PHEX: variants seen among roughly 807,000 people sequenced by gnomAD.
The protein encoded by PHEX is phosphate-regulating neutral endopeptidase PHEX.
Under a neutral mutation model 68.0 loss-of-function variants are expected in PHEX, and 16 were observed. That is an observed-to-expected ratio of 0.24 (90% CI 0.16 to 0.36). The LOEUF is 0.36. PHEX is among the 10% of genes least tolerant of loss of function. The probability of loss-of-function intolerance (pLI) is 1.00; values close to 1 mark genes in which losing one functional copy is unlikely to be tolerated. For synonymous variants in PHEX, 208 were observed against 205.1 expected (o/e 1.01, Z -0.12); for missense variants, 480 against 575.5 (o/e 0.83, Z 1.70).
chrX:22,082,655 G>C (rs1184374718), intron 5 of PHEX, among the ~76,000 whole-genome samples: 2 of 112,212 alleles, frequency 1.8e-5, no homozygotes, highest in African/African-American at 6.5e-5. Context: ...CCGTTCTGTG[G>C]GTTGTCTGTT....
intron 12 of PHEX, among the ~76,000 whole-genome samples, chrX:22,141,554 A>C (rs781467834): frequency 9.1e-6 from 1 of 110,053 alleles, no homozygotes; most frequent in Non-Finnish European, 1.9e-5. Flanking sequence ...CTGTTGCTCC[A>C]GTCCTAAACT....
At chrX:22,155,149 C>A (rs1413182567) in intron 12 of PHEX, among the ~76,000 whole-genome samples, 1 of 112,531 alleles carries the variant, frequency 8.9e-6, no homozygotes, top group Admixed American at 9.4e-5. Flanking sequence ...TGACCGCAGG[C>A]AATCCACCCG....
At chrX:22,082,303 G>C (rs1181754027) in intron 5 of PHEX, among the ~76,000 whole-genome samples, 1 of 111,739 alleles carries the variant, frequency 8.9e-6, no homozygotes, top group Non-Finnish European at 1.9e-5. Context: ...ACAGTGGCTG[G>C]ACTAATTTAC....
chrX:22,248,032 C>T lies in PHEX; in HGVS notation c.*79C>T, dbSNP rs1936444419. The T allele has an allele frequency of 2.8e-6, 2 of 702,771 alleles. No individual in the cohort carries two copies. The highest frequency in any genetic ancestry group is 4.6e-6 in the Non-Finnish European group (2 of 433,521). 57.9% of individuals were successfully genotyped at this position (702,771 alleles called of 1,213,427 possible). On this transcript the variant is annotated 3_prime_UTR_variant, in exon 22 of 22. Transcript: ENST00000379374. Reference sequence around the variant, plus strand: ...TGCACTGAGCCTTCATCGCCCATTGCTTTAGGCCTGGAGACTTTCATTTTT... The same window carrying T: ...TGCACTGAGCCTTCATCGCCCATTGTTTTAGGCCTGGAGACTTTCATTTTT...
In PHEX at chrX:22,221,751, C is replaced by T. The variant is rs1229762414; in HGVS notation, c.1899+8C>T. The T allele has an allele frequency of 1.2e-5, 14 of 1,201,060 alleles. No homozygotes were observed. The highest frequency in any genetic ancestry group is 1.8e-5 in the South Asian group (1 of 56,774). On this transcript the variant is annotated splice_region_variant and intron_variant, in intron 18 of 21. Coordinates refer to ENST00000379374, the MANE Select transcript of PHEX (RefSeq NM_000444.6). Reference sequence around the variant, plus strand: ...AAGAAAGCTGGCTTAAATGTGAGTACAACTGTGGCTAAGGGGGGCACCTTG... The same window carrying T: ...AAGAAAGCTGGCTTAAATGTGAGTATAACTGTGGCTAAGGGGGGCACCTTG...
intron 10 of PHEX, among the ~76,000 whole-genome samples, chrX:22,113,030 T>A (rs1054322745): frequency 9.4e-6 from 1 of 106,768 alleles, no homozygotes; most frequent in African/African-American, 3.4e-5. Context: ...TGTGTGTGTG[T>A]GTGTGTGTGT....
Position 22,249,023 on chromosome X carries a change from T to C in PHEX, c.*1070T>C, listed in dbSNP as rs1310345845. 9.0e-6 allele frequency: 1 copy of C among 110,860 alleles called. No individual in the cohort carries two copies. The highest frequency in any genetic ancestry group is 3.3e-5 in the African/African-American group (1 of 30,418). 9.1% of individuals were successfully genotyped at this position (110,860 alleles called of 1,213,427 possible). A position where few individuals can be genotyped will look rare whatever the true frequency, so the allele number is the denominator to read the frequency against. ...TACCTCTCTTTAAAAAAAAAACATT[T>C]TTGAAAAATTTCTTGACTGATGACA... is the stretch of plus-strand genomic sequence containing the variant. On this transcript the variant is annotated 3_prime_UTR_variant, in exon 22 of 22. Coordinates refer to ENST00000379374, the MANE Select transcript of PHEX (RefSeq NM_000444.6).
intron 11 of PHEX, among the ~76,000 whole-genome samples, chrX:22,119,611 G>C (rs1032797791): frequency 9.0e-4 from 48 of 53,076 alleles, no homozygotes; most frequent in African/African-American, 3.4e-3. Flanking sequence ...TTTTTTTTTT[G>C]AGACAGAGTC....
chrX:22,033,241 TGG>T, intron 1 of PHEX, 118 bp downstream of exon 1: 1 of 539,561 alleles, frequency 1.9e-6, no homozygotes, highest in Non-Finnish European at 3.3e-6. Context: ...CGTTCATAGG[TGG>T]TGTATCTTTA....
At chrX:22,175,363 A>G (rs866772269) in intron 13 of PHEX, among the ~76,000 whole-genome samples, 7 of 90,981 alleles carry the variant, frequency 7.7e-5, no homozygotes, top group Admixed American at 1.2e-4. Flanking sequence ...TTTTTTTTTT[A>G]ATTTTTAGGC....
At chrX:22,073,089 A>G (rs1282750417) in intron 3 of PHEX, among the ~76,000 whole-genome samples, 1 of 111,788 alleles carries the variant, frequency 8.9e-6, no homozygotes, top group Non-Finnish European at 1.9e-5. Context: ...ATAGTCCTAC[A>G]CACAGCCTGG....
At chrX:22,238,329 G>A (rs1225423560) in intron 20 of PHEX, among the ~76,000 whole-genome samples, 1 of 111,810 alleles carries the variant, frequency 8.9e-6, no homozygotes, top group South Asian at 3.8e-4. Context: ...GGAAGCACAA[G>A]GGGTTGGGGG....
chrX:22,237,847 CCATATCATACCT>C (rs1228697160), intron 20 of PHEX, among the ~76,000 whole-genome samples: 1 of 112,433 alleles, frequency 8.9e-6, no homozygotes, highest in Non-Finnish European at 1.9e-5. Context: ...CACTTGAAGA[CCATATCATACCT>C]CAAGTCATAT....
At chrX:22,191,527 ATGT>A (rs1341983709) in intron 15 of PHEX, among the ~76,000 whole-genome samples, 1 of 112,225 alleles carries the variant, frequency 8.9e-6, no homozygotes, top group Non-Finnish European at 1.9e-5. Flanking sequence ...ATGTGCTCTA[ATGT>A]TGTGAGTCTT....
chrX:22,131,950 C>T (rs1377406085), intron 11 of PHEX, among the ~76,000 whole-genome samples: 1 of 111,738 alleles, frequency 8.9e-6, no homozygotes, highest in African/African-American at 3.3e-5. Flanking sequence ...CCCTTTCCTC[C>T]AGTCCTCTCT....
chrX:22,121,262 G>A (rs1361515396), intron 11 of PHEX, among the ~76,000 whole-genome samples: 2 of 112,297 alleles, frequency 1.8e-5, no homozygotes, highest in African/African-American at 3.2e-5. Context: ...GAGATTTATA[G>A]CCAGTGAGGA....
At chrX:22,166,042 T>C (rs1485906886) in intron 12 of PHEX, among the ~76,000 whole-genome samples, 3 of 112,252 alleles carry the variant, frequency 2.7e-5, no homozygotes, top group Non-Finnish European at 3.8e-5. Context: ...ATCGCTGCTC[T>C]TGAGGTTCTT....
At chrX:22,129,507 T>C (rs891803247) in intron 11 of PHEX, among the ~76,000 whole-genome samples, 3 of 111,660 alleles carry the variant, frequency 2.7e-5, no homozygotes, top group African/African-American at 9.8e-5. Flanking sequence ...CCCACGTTTA[T>C]ACTAGGACTC....
chrX:22,121,515 C>T (rs900499850), intron 11 of PHEX, among the ~76,000 whole-genome samples: 12 of 111,825 alleles, frequency 1.1e-4, no homozygotes, highest in Non-Finnish European at 1.5e-4. Flanking sequence ...GAAGAGGGCT[C>T]AGAGGAGCCT....
Sources: allele counts gnomAD v4.1 joint callset (sites outside exome capture counted in the v4.1 genomes callset), GRCh38; gene constraint gnomAD v4.1.1; transcripts MANE v1.5; gene names NCBI Gene and HGNC (gene_info 2026-07-23, HGNC 2026-07-21).